Variants in TPTE2 observed in about 807,000 individuals in gnomAD.
TPTE2 encodes the protein transmembrane phosphoinositide 3-phosphatase and tensin homolog 2.
TPTE2 carries 53 observed loss-of-function variants against 78.6 expected under a neutral mutation model. That is an observed-to-expected ratio of 0.67 (90% CI 0.54 to 0.85). TPTE2 has a LOEUF of 0.85. Among genes scored for constraint, TPTE2 ranks in the 40% least tolerant of loss-of-function variants. The pLI, the probability that TPTE2 is intolerant of heterozygous loss-of-function variation, is 0.00. For missense variants in TPTE2, 461 were observed against 623.0 expected (o/e 0.74, Z 2.77); for synonymous variants, 175 against 206.2 (o/e 0.85, Z 1.30).
the TPTE2 span, among the ~76,000 whole-genome samples, chr13:19,547,720 C>CATATATATATATATATATATATATATAT: frequency 2.3e-4 from 27 of 118,854 alleles, no homozygotes; most frequent in East Asian, 1.1e-3. Flanking sequence ...AATAAATATA[C>CATATATATATATATATATATATATATAT]ATATATATAT....
At chr13:19,511,735 G>A (rs1000473087) in intron 1 of TPTE2, among the ~76,000 whole-genome samples, 2 of 152,090 alleles carry the variant, frequency 1.3e-5, no homozygotes, top group Non-Finnish European at 2.9e-5. Context: ...TGACAGGAAG[G>A]ATTGTAATTC....
intron 1 of TPTE2, 117 bp downstream of exon 4, chr13:19,503,107 G>A: frequency 7.0e-7 from 1 of 1,433,206 alleles, no homozygotes. Flanking sequence ...GGAGAAGTGT[G>A]TATGGATGGA....
intron 4 of TPTE2, among the ~76,000 whole-genome samples, chr13:19,480,284 A>G (rs1199611302): frequency 6.6e-6 from 1 of 152,170 alleles, no homozygotes; most frequent in East Asian, 1.9e-4. Context: ...TAGATCACTA[A>G]AACAGGGTAA....
intron 6 of TPTE2, among the ~76,000 whole-genome samples, chr13:19,473,081 G>T (rs1438523944): frequency 6.6e-6 from 1 of 152,126 alleles, no homozygotes; most frequent in East Asian, 1.9e-4. Context: ...TCTGTTCTGA[G>T]GCACCTAAAG....
chr13:19,448,263 G>C (rs980170478), intron 13 of TPTE2, among the ~76,000 whole-genome samples: 1 of 152,132 alleles, frequency 6.6e-6, no homozygotes, highest in African/African-American at 2.4e-5. Flanking sequence ...ACATTGGTCT[G>C]GGCCAAGATA....
Position 19,529,454 on chromosome 13 carries a change from A to G in TPTE2, c.-44+7142T>C, listed in dbSNP as rs1406618261. ...GTTCTTAGTTTTCAATATCTCAGAA[A>G]GCTAATTAGATCTTAATCTTATTTA... is the stretch of plus-strand genomic sequence containing the variant. On this transcript the variant is annotated intron_variant, in intron 1 of 17. Transcript: ENST00000390680. Among the ~76,000 whole-genome samples the G allele has an allele frequency of 1.4e-4, 22 of 152,336 alleles. 1 individual carries two copies. In the South Asian group the frequency reaches 2.5e-3, roughly 17 times the overall value.
intron 4 of TPTE2, among the ~76,000 whole-genome samples, chr13:19,477,543 T>A (rs1162730744): frequency 6.6e-6 from 1 of 151,900 alleles, no homozygotes; most frequent in Admixed American, 6.6e-5. Flanking sequence ...AGAGGTGAAT[T>A]CTCTCCTCAA....
chr13:19,423,842 G>A (rs965055187), intron 19 of TPTE2, among the ~76,000 whole-genome samples: 26 of 152,120 alleles, frequency 1.7e-4, no homozygotes, highest in South Asian at 2.1e-4. Context: ...GGAAAAAAAC[G>A]GTATCCTTTA....
chr13:19,490,798 C>G (rs972996853), intron 3 of TPTE2, among the ~76,000 whole-genome samples: 1 of 152,198 alleles, frequency 6.6e-6, no homozygotes. Flanking sequence ...TAGCTTTGCT[C>G]TTTTCTGTTG....
intron 1 of TPTE2, among the ~76,000 whole-genome samples, chr13:19,533,513 A>AT (rs1173823285): frequency 6.6e-6 from 1 of 152,238 alleles, no homozygotes; most frequent in African/African-American, 2.4e-5. Context: ...CCATTCCCAA[A>AT]TTGATATTGG....
At chr13:19,464,421 T>G in intron 10 of TPTE2, 35 bp downstream of exon 13, 1 of 1,579,686 alleles carries the variant, frequency 6.3e-7, no homozygotes, top group Non-Finnish European at 8.7e-7. Context: ...CTACATTCAC[T>G]GAGAAATGAG....
chr13:19,473,673 G>A (rs1261706351), intron 6 of TPTE2, among the ~76,000 whole-genome samples: 1 of 140,546 alleles, frequency 7.1e-6, no homozygotes, highest in African/African-American at 2.6e-5. Context: ...TCAGCTCAAC[G>A]CAACTTCTGC....
At chr13:19,549,111 C>A in the TPTE2 span, among the ~76,000 whole-genome samples, 1 of 116,982 alleles carries the variant, frequency 8.5e-6, no homozygotes, top group Non-Finnish European at 1.9e-5. Context: ...AGAGCAAAAA[C>A]TCTGTCTCAA....
At chr13:19,425,755 T>C (rs775795848) in intron 18 of TPTE2, 5 of 516,728 alleles carry the variant, frequency 9.7e-6, no homozygotes, top group Non-Finnish European at 1.5e-5. Flanking sequence ...CTCTCGCTAT[T>C]GCTCCCACCC....
At chr13:19,547,431 G>A in the TPTE2 span, among the ~76,000 whole-genome samples, 1 of 152,158 alleles carries the variant, frequency 6.6e-6, no homozygotes, top group Non-Finnish European at 1.5e-5. Context: ...ATAATCGGTT[G>A]GAGTGGGTCA....
chr13:19,534,838 T>A (rs1871105402), intron 1 of TPTE2, among the ~76,000 whole-genome samples: 1 of 152,218 alleles, frequency 6.6e-6, no homozygotes, highest in Admixed American at 6.5e-5. Context: ...TATATTTACA[T>A]AATTTAAAGC....
At chr13:19,432,797 AAGGATGGAGCC>A (rs1389985894) in intron 15 of TPTE2, among the ~76,000 whole-genome samples, 1 of 151,938 alleles carries the variant, frequency 6.6e-6, no homozygotes, top group South Asian at 2.1e-4. Context: ...GGGAAGTAAC[AAGGATGGAGCC>A]AGGCCCTGTT....
chr13:19,468,006 G>A (rs1378394316), intron 6 of TPTE2, among the ~76,000 whole-genome samples: 2 of 88,284 alleles, frequency 2.3e-5, no homozygotes, highest in Admixed American at 1.3e-4. Context: ...CATCCATGTT[G>A]TTCCAAATGA....
intron 1 of TPTE2, among the ~76,000 whole-genome samples, chr13:19,493,964 G>A (rs1881160832): frequency 6.6e-6 from 1 of 152,172 alleles, no homozygotes; most frequent in South Asian, 2.1e-4. Flanking sequence ...TAGGATTTGA[G>A]GTTTGGAGCA....
Sources: allele counts gnomAD v4.1 joint callset (sites outside exome capture counted in the v4.1 genomes callset), GRCh38; gene constraint gnomAD v4.1.1; transcripts MANE v1.5; gene names NCBI Gene and HGNC (gene_info 2026-07-23, HGNC 2026-07-21).